Variants in RRP1B observed in about 807,000 individuals in gnomAD.
RRP1B encodes the protein ribosomal RNA processing 1B, also known as ribosomal RNA processing protein 1 homolog B.
In RRP1B, 56 loss-of-function variants were observed where a neutral mutation model predicts 80.2. That is an observed-to-expected ratio of 0.70 (90% CI 0.56 to 0.87). The LOEUF is 0.87. RRP1B is among the 40% of genes least tolerant of loss of function. The pLI, the probability that RRP1B is intolerant of heterozygous loss-of-function variation, is 0.00. For missense variants in RRP1B, 807 were observed against 939.8 expected (o/e 0.86, Z 1.85); for synonymous variants, 351 against 357.6 (o/e 0.98, Z 0.21).
At chr21:43,682,883 T>C (rs1295954768) in intron 8 of RRP1B, among the ~76,000 whole-genome samples, 1 of 152,256 alleles carries the variant, frequency 6.6e-6, no homozygotes, top group Non-Finnish European at 1.5e-5. Context: ...CTTTCATTTT[T>C]TCTTTTTTTG....
At position 43,695,129 on chromosome 21, in the gene RRP1B, C is replaced by T. The variant is rs2083102490; in HGVS notation, c.*1746C>T. Reference sequence around the variant, plus strand: ...CCTCACATCCCATTCAGAACCAAAACTGATACAGTGAAACAATTAAGGTGA... The same window carrying T: ...CCTCACATCCCATTCAGAACCAAAATTGATACAGTGAAACAATTAAGGTGA... On this transcript the variant is annotated 3_prime_UTR_variant, in exon 16 of 16. Coordinates refer to ENST00000340648, the MANE Select transcript of RRP1B (RefSeq NM_015056.3). 6.6e-6 allele frequency: 1 copy of T among 151,844 alleles called. No individual in the cohort carries two copies. The highest frequency in any genetic ancestry group is 1.5e-5 in the Non-Finnish European group (1 of 67,990). The allele number at this position is 151,844 out of a possible 1,614,324, so 9.4% of individuals were successfully genotyped here.
chr21:43,667,967 G>A (rs2082984948), intron 1 of RRP1B, among the ~76,000 whole-genome samples: 1 of 152,152 alleles, frequency 6.6e-6, no homozygotes, highest in African/African-American at 2.4e-5. Context: ...CAGCACTTTG[G>A]GAGGCCGAGG....
At chr21:43,662,741 T>C (rs2082962726) in intron 1 of RRP1B, among the ~76,000 whole-genome samples, 1 of 151,658 alleles carries the variant, frequency 6.6e-6, no homozygotes, top group Non-Finnish European at 1.5e-5. Flanking sequence ...AGCTTATTTG[T>C]CCCAATTCAT....
At position 43,690,353 on chromosome 21, in the gene RRP1B, G is replaced by GT; in HGVS notation, c.1935dup (p.Asp646Ter). The GT allele has an allele frequency of 1.2e-6, 2 of 1,614,230 alleles. No homozygotes were observed. The highest frequency in any genetic ancestry group is 2.2e-5 in the South Asian group (2 of 91,086). On this transcript the variant is annotated frameshift_variant, in exon 14 of 16. Coordinates refer to ENST00000340648, the MANE Select transcript of RRP1B (RefSeq NM_015056.3). LOFTEE classifies it high-confidence loss of function. Reference sequence around the variant, plus strand: ...TGAGGGCAGAGAGCGACTTTGTGAAGTTTGACACCCCCTTCTTACCAAAGC... The same window carrying GT: ...TGAGGGCAGAGAGCGACTTTGTGAAGTTTTGACACCCCCTTCTTACCAAAGC...
intron 13 of RRP1B, 111 bp downstream of exon 13, chr21:43,688,351 A>G (rs1317231482): frequency 6.2e-6 from 8 of 1,294,360 alleles, no homozygotes; most frequent in Non-Finnish European, 8.4e-6. Context: ...AGGCCTCTGG[A>G]CTCAGCAGCA....
chr21:43,673,991 G>A (rs1490326230), intron 4 of RRP1B, 36 bp downstream of exon 4: 2 of 1,456,802 alleles, frequency 1.4e-6, no homozygotes, highest in Non-Finnish European at 1.9e-6. Context: ...AAACTCCTGG[G>A]AAGAAAAGAA....
At chr21:43,671,165 G>A (rs2082997941) in intron 2 of RRP1B, among the ~76,000 whole-genome samples, 1 of 152,054 alleles carries the variant, frequency 6.6e-6, no homozygotes, top group Non-Finnish European at 1.5e-5. Context: ...CACCTCAGCA[G>A]GGCATGCTCT....
At chr21:43,668,875 C>T (rs1043021121) in intron 1 of RRP1B, among the ~76,000 whole-genome samples, 1 of 152,286 alleles carries the variant, frequency 6.6e-6, no homozygotes. Context: ...TCCATAGGCT[C>T]GGAAACTCCA....
chr21:43,688,732 T>C (rs1222574933), intron 13 of RRP1B, among the ~76,000 whole-genome samples: 1 of 152,180 alleles, frequency 6.6e-6, no homozygotes, highest in Non-Finnish European at 1.5e-5. Flanking sequence ...GGACCACTTA[T>C]CTTCTTAATG....
At chr21:43,679,324 A>C (rs1051667396) in intron 8 of RRP1B, among the ~76,000 whole-genome samples, 2 of 151,590 alleles carry the variant, frequency 1.3e-5, no homozygotes, top group Admixed American at 6.6e-5. Context: ...GCTGGAGTGC[A>C]ATAGTGCGAT....
At chr21:43,679,980 T>A (rs1243207110) in intron 8 of RRP1B, among the ~76,000 whole-genome samples, 1 of 152,218 alleles carries the variant, frequency 6.6e-6, no homozygotes, top group African/African-American at 2.4e-5. Flanking sequence ...GTTCTTGATA[T>A]GATTCTCAGC....
chr21:43,661,928 A>G (rs573501232), intron 1 of RRP1B, among the ~76,000 whole-genome samples: 1 of 152,320 alleles, frequency 6.6e-6, no homozygotes, highest in South Asian at 2.1e-4. Context: ...ACTTCCTTCA[A>G]AAAGCCTCGC....
At chr21:43,681,657 GA>G (rs1234976217) in intron 8 of RRP1B, among the ~76,000 whole-genome samples, 6 of 151,806 alleles carry the variant, frequency 4.0e-5, no homozygotes, top group African/African-American at 1.5e-4. Flanking sequence ...TTAAAAGAAA[GA>G]AAAAATACTC....
In RRP1B at chr21:43,690,205, G is replaced by C. The variant is rs1481597994; in HGVS notation, c.1867-83G>C. The C allele has an allele frequency of 3.3e-6, 5 of 1,517,800 alleles. No homozygotes were observed. In the African/African-American group the frequency reaches 6.9e-5, roughly 21 times the overall value. The allele number at this position is 1,517,800 out of a possible 1,614,324, so 94.0% of individuals were successfully genotyped here. ...GTGGGCTGGATCTGCCTGGGGCTCT[G>C]CCTTCCCCTCCTGTGTGTGTGGGCA... On this transcript the variant is annotated intron_variant, in intron 13 of 15. Coordinates refer to ENST00000340648, the MANE Select transcript of RRP1B (RefSeq NM_015056.3).
chr21:43,669,825 TA>T, intron 1 of RRP1B, 58 bp from the exon 2 acceptor site: 1 of 1,282,572 alleles, frequency 7.8e-7, no homozygotes, highest in Non-Finnish European at 1.1e-6. Context: ...CACCACTTTC[TA>T]AACTTGAAGA....
rs2083101949 is a variant in RRP1B at position 43,695,010 on chromosome 21, A to G, written c.*1627A>G. 1 of 152,188 alleles carries G rather than the reference A, an allele frequency of 6.6e-6. No homozygotes were observed. The highest frequency in any genetic ancestry group is 2.4e-5 in the African/African-American group (1 of 41,436). 9.4% of individuals were successfully genotyped at this position (152,188 alleles called of 1,614,324 possible). A position where few individuals can be genotyped will look rare whatever the true frequency, so the allele number is the denominator to read the frequency against. On this transcript the variant is annotated 3_prime_UTR_variant, in exon 16 of 16. Coordinates refer to ENST00000340648, the MANE Select transcript of RRP1B (RefSeq NM_015056.3). ...TCGTTTTGTCATAATGAGCCATGAAAAAAGTAATGAACTTGTGCTGTTAAT... is the reference window on the plus strand; with the variant it reads ...TCGTTTTGTCATAATGAGCCATGAAGAAAGTAATGAACTTGTGCTGTTAAT...
intron 1 of RRP1B, among the ~76,000 whole-genome samples, chr21:43,669,386 G>T (rs1568955104): frequency 6.6e-6 from 1 of 152,216 alleles, no homozygotes; most frequent in African/African-American, 2.4e-5. Context: ...TTGACTTTCA[G>T]ATGTACTGTT....
chr21:43,684,746 C>T (rs2083056990), intron 10 of RRP1B, 96 bp downstream of exon 10: 1 of 1,023,056 alleles, frequency 9.8e-7, no homozygotes, highest in African/African-American at 1.6e-5. Flanking sequence ...TTTTTTCTTT[C>T]TTCTTTTTTT....
chr21:43,689,164 C>G (rs903868405), intron 13 of RRP1B, among the ~76,000 whole-genome samples: 1 of 152,246 alleles, frequency 6.6e-6, no homozygotes, highest in South Asian at 2.1e-4. Context: ...GCCACATCCA[C>G]TTGTATGTGC....
Sources: allele counts gnomAD v4.1 joint callset (sites outside exome capture counted in the v4.1 genomes callset), GRCh38; gene constraint gnomAD v4.1.1; transcripts MANE v1.5; gene names NCBI Gene and HGNC (gene_info 2026-07-23, HGNC 2026-07-21).